CLIP4: variants seen among roughly 807,000 people sequenced by gnomAD.
CLIP4 encodes the protein CAP-Gly domain-containing linker protein 4.
Under a neutral mutation model 73.1 loss-of-function variants are expected in CLIP4, and 47 were observed. The ratio of observed to expected loss-of-function variants is 0.64; its 90% CI spans 0.51 to 0.82. The LOEUF (loss-of-function observed/expected upper bound fraction) is 0.82. Among genes scored for constraint, CLIP4 ranks in the 40% least tolerant of loss-of-function variants. CLIP4 has a pLI of 0.00. For synonymous variants in CLIP4, 306 were observed against 295.4 expected (o/e 1.04, Z -0.37); for missense variants, 874 against 852.9 (o/e 1.02, Z -0.31).
In CLIP4 at chr2:29,181,909, A is replaced by G; in HGVS notation, c.*16A>G. On this transcript the variant is annotated 3_prime_UTR_variant, in exon 16 of 16. Transcript: ENST00000320081. ...GAATTGTTAAGCTTCTAAAATATTAAATAAGCTCAAATATATATATTTGGT... is the reference window on the plus strand; with the variant it reads ...GAATTGTTAAGCTTCTAAAATATTAGATAAGCTCAAATATATATATTTGGT... The G allele has an allele frequency of 1.3e-6, 2 of 1,549,330 alleles. No individual in the cohort carries two copies. Among genetic ancestry groups the G allele is most frequent in the Non-Finnish European group, 1.8e-6 (2 of 1,139,176 alleles).
chr2:29,139,169 G>C (rs932042358), intron 6 of CLIP4, among the ~76,000 whole-genome samples: 2 of 149,708 alleles, frequency 1.3e-5, no homozygotes, highest in African/African-American at 5.0e-5. Context: ...TTTGAGGTAT[G>C]TTCCTTCAAT....
At chr2:29,154,200 A>C (rs1666768664) in intron 9 of CLIP4, among the ~76,000 whole-genome samples, 1 of 152,114 alleles carries the variant, frequency 6.6e-6, no homozygotes, top group Admixed American at 6.5e-5. Flanking sequence ...CATCCTTTTA[A>C]CCTGAAGCCC....
chr2:29,173,854 T>C (rs540412154), intron 14 of CLIP4, among the ~76,000 whole-genome samples: 72 of 152,232 alleles, frequency 4.7e-4, no homozygotes, highest in Non-Finnish European at 9.3e-4. Context: ...TTATAAATGA[T>C]TGTATCTTTT....
intron 11 of CLIP4, among the ~76,000 whole-genome samples, chr2:29,157,601 C>CAA (rs1300335517): frequency 2.0e-5 from 3 of 152,174 alleles, no homozygotes; most frequent in Non-Finnish European, 4.4e-5. Flanking sequence ...TTAGCTTCTT[C>CAA]ACAGGCCTTT....
intron 8 of CLIP4, among the ~76,000 whole-genome samples, chr2:29,146,841 G>A (rs376394140): frequency 3.9e-5 from 6 of 152,144 alleles, no homozygotes; most frequent in Non-Finnish European, 7.4e-5. Flanking sequence ...AAATGTGTTG[G>A]TAAAAGTATA....
At chr2:29,110,132 G>A (rs1668347355) in intron 1 of CLIP4, among the ~76,000 whole-genome samples, 1 of 152,106 alleles carries the variant, frequency 6.6e-6, no homozygotes, top group Non-Finnish European at 1.5e-5. Flanking sequence ...TATCTGAGGA[G>A]GTCTTTAAGG....
chr2:29,119,713 C>T (rs879347440), intron 1 of CLIP4, among the ~76,000 whole-genome samples: 10 of 152,116 alleles, frequency 6.6e-5, no homozygotes, highest in Non-Finnish European at 1.5e-4. Context: ...TAGTCATATC[C>T]CAAGTTCCAG....
At chr2:29,178,051 G>C (rs1457444658) in intron 15 of CLIP4, among the ~76,000 whole-genome samples, 1 of 152,094 alleles carries the variant, frequency 6.6e-6, no homozygotes, top group Admixed American at 6.5e-5. Context: ...TATGAAAGTT[G>C]TACAATATTT....
chr2:29,174,347 C>T, intron 14 of CLIP4, 26 bp from the exon 15 acceptor site: 1 of 1,578,986 alleles, frequency 6.3e-7, no homozygotes, highest in African/African-American at 1.4e-5. Context: ...TATTTTTCCT[C>T]TGCTAACCCC....
chr2:29,167,621 A>G (rs1667711034), intron 14 of CLIP4, 81 bp downstream of exon 14: 3 of 997,414 alleles, frequency 3.0e-6, no homozygotes, highest in Non-Finnish European at 4.5e-6. Flanking sequence ...GAGGTATTGT[A>G]TACAAAAGGG....
In CLIP4 at chr2:29,132,240, G is replaced by A. The variant is rs1358928650; in HGVS notation, c.362G>A (p.Gly121Asp). The A allele has an allele frequency of 1.9e-6, 3 of 1,611,078 alleles. No individual in the cohort carries two copies. Among genetic ancestry groups the A allele is most frequent in the Non-Finnish European group, 1.7e-6 (2 of 1,177,584 alleles). Residue 121 changes from glycine (G) to aspartate (D), a missense_variant, in exon 4 of 16, where the codon GGT becomes GAT. By Grantham distance (94) the Gly-to-Asp change is moderately conservative. Coordinates refer to ENST00000320081, the MANE Select transcript of CLIP4 (RefSeq NM_024692.6). ...TATACCTGCAAATCTGGAGCTCATG[G>A]TATTGGTAAGTGTGTGGTAAATCTA... ...LHYTCKSGAH[G>D]IGDVETAVKF...
chr2:29,128,723 A>G (rs1431337364), intron 2 of CLIP4, among the ~76,000 whole-genome samples: 1 of 151,962 alleles, frequency 6.6e-6, no homozygotes, highest in Non-Finnish European at 1.5e-5. Context: ...ATCACACAAG[A>G]TTCTCTCTCC....
Position 29,131,720 on chromosome 2 carries a change from T to C in CLIP4, c.273+323T>C, listed in dbSNP as rs1358113811. 9 of 250,038 alleles carry C rather than the reference T, an allele frequency of 3.6e-5. No individual in the cohort carries two copies. The East Asian group carries it at 8.2e-4, about 23-fold the overall frequency. 15.5% of individuals were successfully genotyped at this position (250,038 alleles called of 1,614,324 possible). ...GATTTGATTACCATCATGTTCTATT[T>C]ACACTTTTGGTTGGTTTGGTAAATA... On this transcript the variant is annotated intron_variant, in intron 3 of 15. Transcript: ENST00000320081.
intron 5 of CLIP4, among the ~76,000 whole-genome samples, chr2:29,135,344 A>C (rs1384703001): frequency 1.3e-5 from 2 of 152,210 alleles, no homozygotes; most frequent in Non-Finnish European, 2.9e-5. Context: ...TCTTATAATG[A>C]ATTTTATTGT....
At chr2:29,177,431 A>G (rs1467742302) in intron 15 of CLIP4, among the ~76,000 whole-genome samples, 1 of 151,102 alleles carries the variant, frequency 6.6e-6, no homozygotes, top group African/African-American at 2.4e-5. Context: ...AAATACAAAA[A>G]TTAGCTGGGC....
At chr2:29,102,876 C>T (rs1053508248) in intron 1 of CLIP4, among the ~76,000 whole-genome samples, 1 of 152,158 alleles carries the variant, frequency 6.6e-6, no homozygotes, top group Non-Finnish European at 1.5e-5. Context: ...CCTCGGCCTC[C>T]CAAAGTGCTG....
chr2:29,178,398 C>T (rs1668464290), intron 15 of CLIP4, among the ~76,000 whole-genome samples: 1 of 152,154 alleles, frequency 6.6e-6, no homozygotes, highest in Non-Finnish European at 1.5e-5. Context: ...CCAGGCTGGT[C>T]TCGAATTCCT....
intron 13 of CLIP4, among the ~76,000 whole-genome samples, chr2:29,164,557 A>G (rs139234641): frequency 7.9e-5 from 12 of 152,326 alleles, no homozygotes; most frequent in African/African-American, 2.4e-4. Flanking sequence ...AATTCCAGGT[A>G]TCATTATGTG....
intron 1 of CLIP4, among the ~76,000 whole-genome samples, chr2:29,119,134 T>G (rs1572876235): frequency 6.6e-6 from 1 of 152,236 alleles, no homozygotes; most frequent in East Asian, 1.9e-4. Flanking sequence ...ATACAAAGAA[T>G]GTTCACTGCA....
Sources: allele counts gnomAD v4.1 joint callset (sites outside exome capture counted in the v4.1 genomes callset), GRCh38; gene constraint gnomAD v4.1.1; transcripts MANE v1.5; gene names NCBI Gene and HGNC (gene_info 2026-07-23, HGNC 2026-07-21).